MINDY3: variants seen among roughly 807,000 people sequenced by gnomAD.
MINDY3 encodes the protein ubiquitin carboxyl-terminal hydrolase MINDY-3.
Under a neutral mutation model 69.2 loss-of-function variants are expected in MINDY3, and 38 were observed. The observed-to-expected ratio is 0.55, with a 90% CI of 0.42 to 0.72. The LOEUF is 0.72. Ranked by LOEUF, MINDY3 falls within the 30% of genes least tolerant of loss-of-function variation. MINDY3 has a pLI of 0.00. For missense variants in MINDY3, 522 were observed against 519.0 expected, an observed-to-expected ratio of 1.01 and a Z score of -0.06; for synonymous variants, 192 against 180.1, an observed-to-expected ratio of 1.07 and a Z score of -0.53.
chr10:15,842,605 A>G (rs1833552643), intron 3 of MINDY3, among the ~76,000 whole-genome samples: 1 of 151,848 alleles, frequency 6.6e-6, no homozygotes. Context: ...CTTAGATACA[A>G]AACTGGGATT....
chr10:15,799,839 A>C (rs1838128707), intron 10 of MINDY3, among the ~76,000 whole-genome samples: 2 of 152,164 alleles, frequency 1.3e-5, no homozygotes, highest in Admixed American at 1.3e-4. Flanking sequence ...AGTTATCTTA[A>C]TACTTGGCAC....
chr10:15,833,098 T>C (rs992798491), intron 8 of MINDY3, among the ~76,000 whole-genome samples: 1 of 152,198 alleles, frequency 6.6e-6, no homozygotes, highest in African/African-American at 2.4e-5. Flanking sequence ...ATGGGATCCA[T>C]TTCAATGTGC....
At chr10:15,801,586 G>A (rs1161644490) in intron 10 of MINDY3, among the ~76,000 whole-genome samples, 2 of 152,022 alleles carry the variant, frequency 1.3e-5, no homozygotes, top group Non-Finnish European at 2.9e-5. Context: ...CACTAATACA[G>A]CCTCTAGATT....
intron 6 of MINDY3, among the ~76,000 whole-genome samples, chr10:15,836,482 TAG>T (rs373849194): frequency 3.9e-4 from 60 of 152,022 alleles, no homozygotes; most frequent in African/African-American, 1.3e-3. Flanking sequence ...GTCCCTAGCA[TAG>T]AGTCAATCAA....
intron 1 of MINDY3, among the ~76,000 whole-genome samples, chr10:15,848,633 C>CAAAAAAAAAAAAAAAAAAAAAAAA (rs10719399): frequency 2.3e-4 from 11 of 48,796 alleles, no homozygotes; most frequent in African/African-American, 1.3e-3. Context: ...GACTTCATCT[C>CAAAAAAAAAAAAAAAAAAAAAAAA]AAAAAAAAAA....
At chr10:15,851,172 A>C (rs1193428540) in intron 1 of MINDY3, among the ~76,000 whole-genome samples, 1 of 152,054 alleles carries the variant, frequency 6.6e-6, no homozygotes, top group African/African-American at 2.4e-5. Flanking sequence ...CTCCATGATC[A>C]CTGCTTTTAA....
chr10:15,838,529 T>C (rs926759432), intron 4 of MINDY3, among the ~76,000 whole-genome samples: 39 of 151,938 alleles, frequency 2.6e-4, no homozygotes, highest in African/African-American at 9.1e-4. Flanking sequence ...AGTTCAGCTA[T>C]GCTACGGCAG....
At chr10:15,830,914 T>C (rs542004915) in intron 8 of MINDY3, among the ~76,000 whole-genome samples, 1 of 152,290 alleles carries the variant, frequency 6.6e-6, no homozygotes, top group African/African-American at 2.4e-5. Flanking sequence ...TTTTAGGCAG[T>C]AGAAGCCACC....
Position 15,832,343 on chromosome 10 carries a change from C to T in MINDY3, c.730+1287G>A, listed in dbSNP as rs189025720. Among the ~76,000 whole-genome samples, 288 of 152,110 alleles carry T rather than the reference C, an allele frequency of 1.9e-3. 2 individuals carry two copies. The highest frequency in any genetic ancestry group is 3.1e-4 in the Non-Finnish European group (21 of 68,004). ...AAGATACCTGGGGGTCCAGAAACAA[C>T]TGGAAGAAGAAGAAAGACGGGAGTG... On this transcript the variant is annotated intron_variant, in intron 8 of 14. Transcript: ENST00000277632.
chr10:15,811,160 A>G (rs1838971194), intron 10 of MINDY3, among the ~76,000 whole-genome samples: 1 of 152,154 alleles, frequency 6.6e-6, no homozygotes, highest in African/African-American at 2.4e-5. Flanking sequence ...AGGGTAGAGA[A>G]GAAAAGAAAA....
intron 1 of MINDY3, among the ~76,000 whole-genome samples, chr10:15,851,584 G>A (rs1202848113): frequency 6.6e-6 from 1 of 151,956 alleles, no homozygotes; most frequent in Non-Finnish European, 1.5e-5. Flanking sequence ...CCTGCTTCAA[G>A]GCTTCAAAAC....
At chr10:15,800,767 T>TAAAG (rs1838201480) in intron 10 of MINDY3, among the ~76,000 whole-genome samples, 1 of 152,098 alleles carries the variant, frequency 6.6e-6, no homozygotes, top group Non-Finnish European at 1.5e-5. Context: ...ATAAATATCG[T>TAAAG]AAAGAAAGAA....
At chr10:15,834,810 C>T (rs1033113274) in intron 6 of MINDY3, among the ~76,000 whole-genome samples, 194 bp from the exon 7 acceptor site, 1 of 151,934 alleles carries the variant, frequency 6.6e-6, no homozygotes, top group East Asian at 1.9e-4. Context: ...CTTTTATTTT[C>T]TTTCATGGGC....
chr10:15,830,586 C>T (rs138190795), intron 8 of MINDY3, among the ~76,000 whole-genome samples: 3 of 152,124 alleles, frequency 2.0e-5, no homozygotes, highest in African/African-American at 7.2e-5. Context: ...TCTTTAAATT[C>T]CACAGTACAC....
intron 10 of MINDY3, among the ~76,000 whole-genome samples, chr10:15,802,045 G>A (rs893421254): frequency 4.0e-5 from 6 of 151,106 alleles, no homozygotes; most frequent in East Asian, 1.9e-4. Context: ...TCCGGCTTAC[G>A]AGATTACAGT....
chr10:15,778,481 T>C lies in MINDY3; in HGVS notation c.*511A>G, dbSNP rs1198784973. Reference sequence around the variant, plus strand: ...TGTGAACATGCCAGAGTTAAGTAAATTGTCAAAGGATCCAGGTTGACAATG... The same window carrying C: ...TGTGAACATGCCAGAGTTAAGTAAACTGTCAAAGGATCCAGGTTGACAATG... On this transcript the variant is annotated 3_prime_UTR_variant, in exon 15 of 15. Coordinates refer to ENST00000277632, the MANE Select transcript of MINDY3 (RefSeq NM_024948.4). 1 of 152,384 alleles carries C rather than the reference T, an allele frequency of 6.6e-6. No individual in the cohort carries two copies. The highest frequency in any genetic ancestry group is 1.5e-5 in the Non-Finnish European group (1 of 68,164). The allele number at this position is 152,384 out of a possible 1,614,324, so 9.4% of individuals were successfully genotyped here.
intron 8 of MINDY3, among the ~76,000 whole-genome samples, chr10:15,832,162 G>C (rs1042549710): frequency 3.9e-5 from 6 of 152,158 alleles, no homozygotes; most frequent in African/African-American, 1.4e-4. Flanking sequence ...ACACTGATGA[G>C]TACCAAGTGT....
At chr10:15,846,707 C>T (rs1833869036) in intron 2 of MINDY3, among the ~76,000 whole-genome samples, 2 of 150,582 alleles carry the variant, frequency 1.3e-5, no homozygotes, top group Admixed American at 6.6e-5. Flanking sequence ...TACTTTGTAG[C>T]CAACAGTTTA....
At chr10:15,783,033 A>C (rs1836667690) in intron 13 of MINDY3, among the ~76,000 whole-genome samples, 1 of 152,142 alleles carries the variant, frequency 6.6e-6, no homozygotes, top group Non-Finnish European at 1.5e-5. Context: ...TATCCGATGG[A>C]TACAAACAGG....
Sources: allele counts gnomAD v4.1 joint callset (sites outside exome capture counted in the v4.1 genomes callset), GRCh38; gene constraint gnomAD v4.1.1; transcripts MANE v1.5; gene names NCBI Gene and HGNC (gene_info 2026-07-23, HGNC 2026-07-21).